Variants in ACYP2 observed in about 807,000 individuals in gnomAD.
ACYP2 encodes acylphosphatase-2.
In ACYP2, 12 loss-of-function variants were observed where a neutral mutation model predicts 11.2. That is an observed-to-expected ratio of 1.08 (90% CI 0.69 to 1.74). The LOEUF (loss-of-function observed/expected upper bound fraction) is 1.74, where lower values mean the gene tolerates loss of function less well. Among genes scored for constraint, ACYP2 ranks in the 40% most tolerant of loss-of-function variants. ACYP2 has a pLI of 0.00. For missense variants in ACYP2, 134 were observed against 101.9 expected (o/e 1.31, Z -1.35); for synonymous variants, 43 against 32.2 (o/e 1.33, Z -1.13).
In ACYP2 at chr2:54,097,188, C is replaced by G. The variant is rs145025871; in HGVS notation, c.278-38265C>G. On this transcript the variant is annotated intron_variant, in intron 4 of 6. Coordinates refer to ENST00000607452, the MANE Select transcript of ACYP2 (RefSeq NM_001320586.2). Reference sequence around the variant, plus strand: ...CTGCACTTGCTATTTAAAACTACAGCTCTGGCCCCACTCCTGGTCCTTCTT... The same window carrying G: ...CTGCACTTGCTATTTAAAACTACAGGTCTGGCCCCACTCCTGGTCCTTCTT... Among the ~76,000 whole-genome samples the G allele has an allele frequency of 7.7e-4, 117 of 152,342 alleles. 1 individual carries two copies. The highest frequency in any genetic ancestry group is 2.3e-3 in the African/African-American group (95 of 41,568).
intron 6 of ACYP2, among the ~76,000 whole-genome samples, chr2:54,251,359 GT>G (rs76809276): frequency 2.1e-4 from 32 of 151,248 alleles, no homozygotes; most frequent in African/African-American, 7.3e-4. Flanking sequence ...AAAATAATGT[GT>G]TTTTTTTTGT....
intron 6 of ACYP2, among the ~76,000 whole-genome samples, chr2:54,282,077 G>A (rs1299452901): frequency 1.3e-5 from 2 of 152,116 alleles, no homozygotes; most frequent in African/African-American, 4.8e-5. Context: ...TCATTACCCA[G>A]AAGACACCAG....
intron 6 of ACYP2, among the ~76,000 whole-genome samples, chr2:54,195,877 A>T (rs1684456948): frequency 7.5e-6 from 1 of 134,006 alleles, no homozygotes; most frequent in African/African-American, 2.8e-5. Context: ...GGCTCACTGC[A>T]ATTTCTGCCT....
chr2:54,256,362 G>A (rs544347470), intron 6 of ACYP2: 29 of 582,988 alleles, frequency 5.0e-5, no homozygotes, highest in East Asian at 4.7e-4. Context: ...TTTAGCCATC[G>A]TGCTGGATGA....
At chr2:54,050,796 GC>G (rs1324535260) in intron 2 of ACYP2, among the ~76,000 whole-genome samples, 1 of 151,730 alleles carries the variant, frequency 6.6e-6, no homozygotes, top group East Asian at 1.9e-4. Flanking sequence ...TATTTTTGAG[GC>G]AATGTCTTTT....
chr2:53,976,435 G>A (rs1671494543), intron 2 of ACYP2, among the ~76,000 whole-genome samples: 1 of 152,114 alleles, frequency 6.6e-6, no homozygotes, highest in Non-Finnish European at 1.5e-5. Flanking sequence ...TTGAACTCCT[G>A]GACTCAAGCA....
intron 6 of ACYP2, among the ~76,000 whole-genome samples, chr2:54,271,728 C>T (rs1216490054): frequency 1.3e-5 from 2 of 151,920 alleles, no homozygotes; most frequent in African/African-American, 2.4e-5. Context: ...TTTCTGTGTC[C>T]CCTCCACCCT....
At chr2:54,180,219 T>C (rs1322007855) in intron 6 of ACYP2, among the ~76,000 whole-genome samples, 1 of 152,198 alleles carries the variant, frequency 6.6e-6, no homozygotes, top group African/African-American at 2.4e-5. Context: ...CTGGAAGTTC[T>C]CCAAACCCTG....
intron 6 of ACYP2, among the ~76,000 whole-genome samples, chr2:54,186,639 G>C (rs1432045359): frequency 1.3e-5 from 2 of 151,776 alleles, no homozygotes; most frequent in Non-Finnish European, 2.9e-5. Context: ...TCAGCCTCCC[G>C]AGTAGCTGGG....
At chr2:53,982,639 G>T (rs1671823120) in intron 2 of ACYP2, among the ~76,000 whole-genome samples, 1 of 152,138 alleles carries the variant, frequency 6.6e-6, no homozygotes, top group African/African-American at 2.4e-5. Flanking sequence ...AATTTTGAAA[G>T]GTGCGACTTA....
chr2:54,072,493 TTC>T (rs1270925499), intron 4 of ACYP2, among the ~76,000 whole-genome samples: 74 of 145,362 alleles, frequency 5.1e-4, no homozygotes, highest in African/African-American at 1.9e-3. Context: ...TCTTTTTTCT[TTC>T]TTTCTCTCTC....
At chr2:54,228,002 G>A (rs1686081189) in intron 6 of ACYP2, among the ~76,000 whole-genome samples, 1 of 152,224 alleles carries the variant, frequency 6.6e-6, no homozygotes, top group Non-Finnish European at 1.5e-5. Flanking sequence ...TGACAGAGTA[G>A]CTATAAAAGT....
At chr2:54,202,999 C>CA (rs1305713839) in intron 6 of ACYP2, among the ~76,000 whole-genome samples, 2 of 151,772 alleles carry the variant, frequency 1.3e-5, no homozygotes, top group African/African-American at 4.8e-5. Flanking sequence ...TTTATTTCTG[C>CA]AAAAAAGGCT....
chr2:54,239,355 T>C (rs1254709583), intron 6 of ACYP2, among the ~76,000 whole-genome samples: 1 of 152,230 alleles, frequency 6.6e-6, no homozygotes, highest in Non-Finnish European at 1.5e-5. Flanking sequence ...TCTGTCTTGT[T>C]CTTTTAGCTA....
At chr2:54,180,713 C>T (rs185624240) in intron 6 of ACYP2, among the ~76,000 whole-genome samples, 3 of 152,222 alleles carry the variant, frequency 2.0e-5, no homozygotes, top group Admixed American at 1.3e-4. Context: ...CACCACCATG[C>T]CAGGCTAATT....
At chr2:54,148,840 C>T (rs1033852855) in intron 6 of ACYP2, among the ~76,000 whole-genome samples, 1 of 152,158 alleles carries the variant, frequency 6.6e-6, no homozygotes, top group African/African-American at 2.4e-5. Flanking sequence ...GAAATTGAAT[C>T]ACAATAAGAG....
intron 6 of ACYP2, among the ~76,000 whole-genome samples, chr2:54,252,778 C>A (rs1687287161): frequency 6.6e-6 from 1 of 152,118 alleles, no homozygotes; most frequent in Non-Finnish European, 1.5e-5. Flanking sequence ...GTTGCGGGCA[C>A]CTGTAGTCCC....
intron 6 of ACYP2, among the ~76,000 whole-genome samples, chr2:54,149,368 T>C (rs1682041533): frequency 6.6e-6 from 1 of 152,226 alleles, no homozygotes; most frequent in Non-Finnish European, 1.5e-5. Flanking sequence ...GTTTTCTTCT[T>C]CTGTGTTTTA....
In ACYP2 at chr2:54,237,079, T is replaced by A. The variant is rs1686515614; in HGVS notation, c.405-67609T>A. 2.6e-5 allele frequency among the ~76,000 whole-genome samples: 4 copies of A among 152,198 alleles called. No individual in the cohort carries two copies. The South Asian group carries it at 8.3e-4, about 31-fold the overall frequency. On this transcript the variant is annotated intron_variant, in intron 6 of 6. Coordinates refer to ENST00000607452, the MANE Select transcript of ACYP2 (RefSeq NM_001320586.2). ...TATTTATATAGCATGTATATTGTATTAGGTATTATAAGTAATCTAGAGATG... is the reference window on the plus strand; with the variant it reads ...TATTTATATAGCATGTATATTGTATAAGGTATTATAAGTAATCTAGAGATG...
Sources: gnomAD v4.1 joint callset for allele counts (sites outside exome capture counted in the v4.1 genomes callset) on GRCh38, gnomAD v4.1.1 for gene constraint, MANE v1.5 for transcripts, NCBI Gene and HGNC (gene_info 2026-07-23, HGNC 2026-07-21) for gene names.